Variants in FMN1 observed in about 807,000 individuals in gnomAD.
The protein encoded by FMN1 is formin-1.
FMN1 carries 110 observed loss-of-function variants against 132.4 expected under a neutral mutation model. The ratio of observed to expected loss-of-function variants is 0.83; its 90% CI spans 0.71 to 0.97. The LOEUF (loss-of-function observed/expected upper bound fraction) is 0.97. Ranked by LOEUF, FMN1 falls within the 50% of genes least tolerant of loss-of-function variation. The probability of loss-of-function intolerance (pLI) is 0.00; values close to 1 mark genes in which losing one functional copy is unlikely to be tolerated. For synonymous variants in FMN1, 722 were observed against 651.7 expected (o/e 1.11, Z -1.64); for missense variants, 1,792 against 1,705.3 (o/e 1.05, Z -0.90).
intron 7 of FMN1, among the ~76,000 whole-genome samples, chr15:32,988,064 T>C (rs1296996369): frequency 1.3e-5 from 2 of 149,760 alleles, no homozygotes; most frequent in Non-Finnish European, 3.0e-5. Flanking sequence ...TTTTTTTTTT[T>C]TTTTTTCTTT....
rs781387193 is a variant in FMN1, at chr15:33,066,594, T to A, written c.2044-1520A>T. The A allele has an allele frequency of 1.1e-5, 17 of 1,613,504 alleles. No homozygotes were observed. The South Asian group carries it at 1.6e-4, about 16-fold the overall frequency. Reference sequence around the variant, plus strand: ...CTTAGCGACTCCTTCTCATGTCTCATCTTGCGCTTGAGAGCTTCCAGCTCA... The same window carrying A: ...CTTAGCGACTCCTTCTCATGTCTCAACTTGCGCTTGAGAGCTTCCAGCTCA... On this transcript the variant is annotated intron_variant, in intron 5 of 20. Transcript: ENST00000616417.
In FMN1 at chr15:32,774,261, C is replaced by T. The variant is rs369575483; in HGVS notation, c.*49G>A. 30 of 1,397,932 alleles carry T rather than the reference C, an allele frequency of 2.1e-5. 1 individual carries two copies. In the Middle Eastern group the frequency reaches 5.3e-4, roughly 25 times the overall value. 86.6% of individuals were successfully genotyped at this position (1,397,932 alleles called of 1,614,324 possible). ...CAACCCTGTGGTCACAAAGAGTATG[C>T]GTGCAAGGTCCTCCACCTCCAGTGC... On this transcript the variant is annotated 3_prime_UTR_variant, in exon 21 of 21. Transcript: ENST00000616417.
In FMN1 at chr15:32,900,091, A is replaced by G; in HGVS notation, c.3542T>C (p.Leu1181Ser). ...LLHVKSVKDI[L>S]ALILAFGNYM... ...ATTTCCAAAAGCCAAGATGAGAGCTAAAATATCCTTCACGCTCTTCACGTG... is the reference window on the plus strand; with the variant it reads ...ATTTCCAAAAGCCAAGATGAGAGCTGAAATATCCTTCACGCTCTTCACGTG... The change falls in exon 14 of 21, where the codon TTA becomes TCA. Residue 1181 changes from leucine to serine, a missense_variant. Coordinates refer to ENST00000616417, the MANE Select transcript of FMN1 (RefSeq NM_001277313.2). The G allele has an allele frequency of 6.2e-7, 1 of 1,613,882 alleles. No homozygotes were observed. Among genetic ancestry groups the G allele is most frequent in the Non-Finnish European group, 8.5e-7 (1 of 1,179,834 alleles).
chr15:32,876,108 C>T (rs2059630713), intron 16 of FMN1, among the ~76,000 whole-genome samples: 1 of 152,148 alleles, frequency 6.6e-6, no homozygotes, highest in African/African-American at 2.4e-5. Flanking sequence ...ATGAACTTGC[C>T]AAATTAATGC....
At chr15:32,965,728 C>T (rs756381713) in intron 8 of FMN1, among the ~76,000 whole-genome samples, 12 of 152,114 alleles carry the variant, frequency 7.9e-5, no homozygotes, top group Non-Finnish European at 1.5e-4. Context: ...CTTCTCTCCT[C>T]TACTTTTTAT....
At chr15:32,904,035 G>T (rs2060361291) in intron 12 of FMN1, among the ~76,000 whole-genome samples, 1 of 152,220 alleles carries the variant, frequency 6.6e-6, no homozygotes, top group African/African-American at 2.4e-5. Context: ...CTTTAGGAAT[G>T]TATGAGGCAT....
chr15:32,913,781 A>G (rs1227055315), intron 10 of FMN1, among the ~76,000 whole-genome samples: 4 of 152,198 alleles, frequency 2.6e-5, no homozygotes, highest in Admixed American at 2.0e-4. Context: ...AAGCATCTTG[A>G]TAACTGTCTC....
At chr15:32,817,092 C>G (rs1227405423) in intron 17 of FMN1, among the ~76,000 whole-genome samples, 1 of 152,194 alleles carries the variant, frequency 6.6e-6, no homozygotes, top group Non-Finnish European at 1.5e-5. Flanking sequence ...AAGGAAATTT[C>G]TTGTTCTAGA....
chr15:33,130,449 T>C (rs1437849773), intron 4 of FMN1, among the ~76,000 whole-genome samples: 1 of 152,224 alleles, frequency 6.6e-6, no homozygotes, highest in African/African-American at 2.4e-5. Flanking sequence ...CACTGTAGTT[T>C]ATTATAGCAA....
At chr15:32,996,899 AGT>A (rs1175587300) in intron 7 of FMN1, among the ~76,000 whole-genome samples, 2 of 152,200 alleles carry the variant, frequency 1.3e-5, no homozygotes, top group Non-Finnish European at 2.9e-5. Context: ...AGGAATCAGC[AGT>A]GTTGGGTATC....
intron 10 of FMN1, among the ~76,000 whole-genome samples, chr15:32,923,531 T>C (rs1006167082): frequency 2.0e-5 from 3 of 152,146 alleles, no homozygotes; most frequent in Non-Finnish European, 4.4e-5. Context: ...CAGAGGTGCT[T>C]GAGGAAGGAA....
At position 32,968,861 on chromosome 15, in the gene FMN1, G is replaced by T; in HGVS notation, c.2840C>A (p.Pro947Gln). ...AGGTGGGGGTGCAAGTCCTGGGGGT[G>T]GTGGAGCAGGAGGAGGCCCTCCAGG... Reference protein sequence around the residue: ...PNPGGPPPAPPPPGLAPPPPP... With the variant: ...PNPGGPPPAPQPPGLAPPPPP... The change falls in exon 8 of 21, where the codon CCA (proline) becomes CAA (glutamine). Residue 947 changes from proline (P) to glutamine (Q), a missense_variant. Transcript: ENST00000616417. 1 of 1,468,296 alleles carries T rather than the reference G, an allele frequency of 6.8e-7. No homozygotes were observed. Among genetic ancestry groups the T allele is most frequent in the Non-Finnish European group, 9.4e-7 (1 of 1,058,494 alleles). 91.0% of individuals were successfully genotyped at this position (1,468,296 alleles called of 1,614,324 possible).
rs999395819 is a variant in FMN1 at position 33,025,307 on chromosome 15, A to G, written c.2162-17232T>C. ...AAATAGATCAAGCAAATAAAAACAT[A>G]ATGACTGACACAATCAACAATCTTG... is the stretch of plus-strand genomic sequence containing the variant. On this transcript the variant is annotated intron_variant, in intron 6 of 20. Transcript: ENST00000616417. 3.3e-5 allele frequency among the ~76,000 whole-genome samples: 5 copies of G among 152,206 alleles called. No homozygotes were observed. The South Asian group carries it at 8.3e-4, about 25-fold the overall frequency.
chr15:32,984,564 A>C (rs1351170094), intron 7 of FMN1, among the ~76,000 whole-genome samples: 1 of 152,204 alleles, frequency 6.6e-6, no homozygotes, highest in Non-Finnish European at 1.5e-5. Flanking sequence ...AAACACTCTG[A>C]GTAACAATGA....
chr15:33,149,946 A>T, intron 4 of FMN1: 2 of 984,946 alleles, frequency 2.0e-6, no homozygotes, highest in Non-Finnish European at 2.4e-6. Flanking sequence ...ATGCCTCTTA[A>T]CTCTTAATAA....
intron 17 of FMN1, among the ~76,000 whole-genome samples, chr15:32,827,106 C>G (rs2058385811): frequency 6.6e-6 from 1 of 152,162 alleles, no homozygotes. Context: ...AGACAGAAGT[C>G]TTATTTCCAA....
At chr15:33,172,304 T>C (rs970541161) in intron 3 of FMN1, among the ~76,000 whole-genome samples, 1 of 152,204 alleles carries the variant, frequency 6.6e-6, no homozygotes, top group African/African-American at 2.4e-5. Flanking sequence ...ACTAAAGTAC[T>C]AAGAGGTGGA....
intron 10 of FMN1, among the ~76,000 whole-genome samples, chr15:32,918,938 G>A (rs1161048548): frequency 6.6e-6 from 1 of 152,176 alleles, no homozygotes; most frequent in Admixed American, 6.5e-5. Context: ...CAGCAGGAAG[G>A]AGGAAAAGGT....
chr15:33,104,082 A>G (rs907895337), intron 4 of FMN1, among the ~76,000 whole-genome samples: 6 of 152,160 alleles, frequency 3.9e-5, no homozygotes, highest in Admixed American at 1.3e-4. Context: ...TGAGTTCATC[A>G]TATATTTGTC....
Sources: allele counts gnomAD v4.1 joint callset (sites outside exome capture counted in the v4.1 genomes callset), GRCh38; gene constraint gnomAD v4.1.1; transcripts MANE v1.5; gene names NCBI Gene and HGNC (gene_info 2026-07-23, HGNC 2026-07-21).